ITPR1: variants seen among roughly 807,000 people sequenced by gnomAD.
ITPR1 encodes inositol 1,4,5-trisphosphate-gated calcium channel ITPR1.
A neutral mutation model predicts 318.4 loss-of-function variants in ITPR1; 96 were observed. That is an observed-to-expected ratio of 0.30 (90% CI 0.26 to 0.36). ITPR1 has a LOEUF of 0.36. Ranked by LOEUF, ITPR1 falls within the 10% of genes least tolerant of loss-of-function variation. The pLI, the probability that ITPR1 is intolerant of heterozygous loss-of-function variation, is 1.00. For synonymous variants in ITPR1, 1,312 were observed against 1,289.9 expected, an observed-to-expected ratio of 1.02 and a Z score of -0.37; for missense variants, 2,440 against 3,460.2, an observed-to-expected ratio of 0.71 and a Z score of 7.40.
At chr3:4,719,546 C>T (rs887484178) in intron 40 of ITPR1, among the ~76,000 whole-genome samples, 4 of 152,334 alleles carry the variant, frequency 2.6e-5, no homozygotes, top group Middle Eastern at 3.4e-3. Context: ...GAACTGCGTA[C>T]CCATGTTCCA....
At chr3:4,535,442 A>ATT (rs34152018) in intron 4 of ITPR1, among the ~76,000 whole-genome samples, 43,422 of 100,928 alleles carry the variant, frequency 0.43, 11,589 homozygotes, top group South Asian at 0.58. Flanking sequence ...TTTTTTTTTA[A>ATT]TTTTTTTTTT....
intron 2 of ITPR1, among the ~76,000 whole-genome samples, chr3:4,499,254 A>T (rs304067): frequency 2.0e-5 from 3 of 152,012 alleles, no homozygotes; most frequent in Non-Finnish European, 1.5e-5. Flanking sequence ...TTCAACTATT[A>T]GAGATTAGGG....
intron 44 of ITPR1, among the ~76,000 whole-genome samples, chr3:4,745,531 A>G (rs893841003): frequency 1.3e-5 from 2 of 152,194 alleles, no homozygotes; most frequent in African/African-American, 4.8e-5. Context: ...ACGTTTTCCT[A>G]GTGGTAAACA....
chr3:4,707,658 A>T (rs1441568718), intron 37 of ITPR1, among the ~76,000 whole-genome samples: 4 of 152,210 alleles, frequency 2.6e-5, no homozygotes, highest in Non-Finnish European at 5.9e-5. Flanking sequence ...GAAGAATGTG[A>T]AAGACAGGAT....
intron 47 of ITPR1, 109 bp downstream of exon 47, chr3:4,775,551 C>A: frequency 2.6e-6 from 2 of 765,504 alleles, no homozygotes; most frequent in East Asian, 2.5e-5. Flanking sequence ...CCTAGGGAGT[C>A]AGTAGGACAG....
At chr3:4,805,777 T>G (rs1476285739) in intron 54 of ITPR1, among the ~76,000 whole-genome samples, 1 of 152,226 alleles carries the variant, frequency 6.6e-6, no homozygotes, top group African/African-American at 2.4e-5. Context: ...CATACAAGAA[T>G]GTTAGAAATG....
chr3:4,618,452 C>A (rs536845378), intron 4 of ITPR1, among the ~76,000 whole-genome samples: 1 of 152,312 alleles, frequency 6.6e-6, no homozygotes, highest in East Asian at 1.9e-4. Context: ...TCCATCCTCC[C>A]ACTAGAGTTA....
chr3:4,700,234 A>G (rs1025282327), intron 35 of ITPR1, among the ~76,000 whole-genome samples: 1 of 152,190 alleles, frequency 6.6e-6, no homozygotes, highest in African/African-American at 2.4e-5. Flanking sequence ...TAGAGATAAC[A>G]TTTATAAAAC....
chr3:4,817,211 A>C (rs531947192), intron 59 of ITPR1, among the ~76,000 whole-genome samples: 1 of 152,154 alleles, frequency 6.6e-6, no homozygotes, highest in Non-Finnish European at 1.5e-5. Flanking sequence ...CATTTCTCCA[A>C]AGAGCCCCGG....
At chr3:4,537,997 A>G (rs1423713961) in intron 4 of ITPR1, among the ~76,000 whole-genome samples, 6 of 152,144 alleles carry the variant, frequency 3.9e-5, no homozygotes, top group African/African-American at 9.6e-5. Flanking sequence ...AATTCTTTCT[A>G]CGATAGGTTG....
chr3:4,653,277 G>C (rs999666256), intron 11 of ITPR1, among the ~76,000 whole-genome samples: 1 of 152,172 alleles, frequency 6.6e-6, no homozygotes, highest in Admixed American at 6.5e-5. Flanking sequence ...AGGAAGGCTG[G>C]CTCTTAAGTG....
At chr3:4,631,490 T>A (rs2093014271) in intron 5 of ITPR1, among the ~76,000 whole-genome samples, 1 of 152,192 alleles carries the variant, frequency 6.6e-6, no homozygotes, top group African/African-American at 2.4e-5. Flanking sequence ...AATCCTCTTT[T>A]AAAAATATCA....
intron 2 of ITPR1, among the ~76,000 whole-genome samples, chr3:4,506,916 C>G (rs542169460): frequency 2.6e-5 from 4 of 152,270 alleles, no homozygotes; most frequent in South Asian, 4.1e-4. Flanking sequence ...AAAAACAATT[C>G]AGGACCCTAA....
chr3:4,593,686 C>T (rs892040312), intron 4 of ITPR1, among the ~76,000 whole-genome samples: 2 of 152,090 alleles, frequency 1.3e-5, no homozygotes, highest in African/African-American at 4.8e-5. Flanking sequence ...AAAAGGCAAC[C>T]GTGTTTGTTA....
chr3:4,688,306 T>G lies in ITPR1; in HGVS notation c.3703-189T>G, dbSNP rs56828961. On this transcript the variant is annotated intron_variant, in intron 30 of 61. Coordinates refer to ENST00000649015, the MANE Select transcript of ITPR1 (RefSeq NM_001378452.1). ...CTCCCACCCAAATAAGATCTTCACT[T>G]TCATCCAATGAGCATAGACAAGTTA... Among the ~76,000 whole-genome samples the G allele has an allele frequency of 3.1e-3, 474 of 152,322 alleles. 1 individual carries two copies. Among genetic ancestry groups the G allele is most frequent in the African/African-American group, 8.5e-3 (353 of 41,574 alleles).
At chr3:4,564,777 T>A (rs1321903412) in intron 4 of ITPR1, among the ~76,000 whole-genome samples, 4 of 152,288 alleles carry the variant, frequency 2.6e-5, no homozygotes, top group East Asian at 1.9e-4. Flanking sequence ...TTTATGATAT[T>A]TTTTTAAGCT....
Position 4,766,566 on chromosome 3 carries a change from T to A in ITPR1, c.5581T>A (p.Ser1861Thr). ...FFCRLTEDKK[S>T]EKFFKVFYDR... is the part of the protein sequence containing the mutation. ...CTGTCGCTTGACAGAAGATAAGAAG[T>A]CAGAGAAATTCTTTAAGGTGTTTTA... The change falls in exon 45 of 62, where the codon TCA becomes ACA. Residue 1861 changes from serine to threonine, a missense_variant. Physicochemically the swap from Ser to Thr is moderately conservative, Grantham distance 58. Transcript: ENST00000649015. 6.2e-7 allele frequency: 1 copy of A among 1,613,774 alleles called. No individual in the cohort carries two copies. The highest frequency in any genetic ancestry group is 8.5e-7 in the Non-Finnish European group (1 of 1,179,720).
intron 4 of ITPR1, among the ~76,000 whole-genome samples, chr3:4,564,883 A>G (rs2087059592): frequency 6.6e-6 from 1 of 152,202 alleles, no homozygotes; most frequent in African/African-American, 2.4e-5. Context: ...ACAAATTCTA[A>G]AAGAGCTGTA....
At chr3:4,780,345 A>G (rs1367149691) in intron 49 of ITPR1, among the ~76,000 whole-genome samples, 2 of 152,130 alleles carry the variant, frequency 1.3e-5, no homozygotes, top group African/African-American at 4.8e-5. Context: ...AGCTACAGAA[A>G]TGTTTTTTGG....
Sources: allele counts gnomAD v4.1 joint callset (sites outside exome capture counted in the v4.1 genomes callset), GRCh38; gene constraint gnomAD v4.1.1; transcripts MANE v1.5; gene names NCBI Gene and HGNC (gene_info 2026-07-23, HGNC 2026-07-21).